Variants in MAMLD1 observed in about 807,000 individuals in gnomAD.
The protein encoded by MAMLD1 is mastermind-like domain-containing protein 1.
In MAMLD1, 14 loss-of-function variants were observed where a neutral mutation model predicts 45.0. That is an observed-to-expected ratio of 0.31 (90% confidence interval 0.21 to 0.49). The LOEUF (loss-of-function observed/expected upper bound fraction) is 0.49, where lower values mean the gene tolerates loss of function less well. Ranked by LOEUF, MAMLD1 falls within the 20% of genes least tolerant of loss-of-function variation. The pLI is 0.99. For synonymous variants in MAMLD1, 254 were observed against 247.8 expected, an observed-to-expected ratio of 1.02 and a Z score of -0.24; for missense variants, 543 against 603.6, an observed-to-expected ratio of 0.90 and a Z score of 1.05.
At chrX:150,410,254 T>G (rs2034092456) in intron 1 of MAMLD1, among the ~76,000 whole-genome samples, 2 of 112,245 alleles carry the variant, frequency 1.8e-5, no homozygotes, top group Admixed American at 1.9e-4. Context: ...CCCAGTAGAA[T>G]GTCTGGCACC....
chrX:150,380,417 A>T (rs1195403998), intron 1 of MAMLD1, among the ~76,000 whole-genome samples: 1 of 110,694 alleles, frequency 9.0e-6, no homozygotes, highest in Non-Finnish European at 1.9e-5. Flanking sequence ...TTTCTGTGTT[A>T]GGTATATTAG....
At chrX:150,487,540 G>C (rs1197554625) in intron 5 of MAMLD1, among the ~76,000 whole-genome samples, 2 of 112,161 alleles carry the variant, frequency 1.8e-5, no homozygotes, top group East Asian at 5.6e-4. Flanking sequence ...CATTTTGCAA[G>C]CATTCTCCCT....
At chrX:150,452,824 T>G (rs1350750887) in intron 2 of MAMLD1, among the ~76,000 whole-genome samples, 1 of 96,161 alleles carries the variant, frequency 1.0e-5, no homozygotes, top group Non-Finnish European at 2.0e-5. Flanking sequence ...CATTGTTCAA[T>G]TCCCACCTAT....
rs781889342 is a variant in MAMLD1 at position 150,401,332 on chromosome X, A to T, written c.-64+37802A>T. Among the ~76,000 whole-genome samples the T allele has an allele frequency of 4.9e-3, 497 of 102,336 alleles. 2 individuals carry two copies. Among genetic ancestry groups the T allele is most frequent in the African/African-American group, 0.017 (480 of 27,863 alleles). The allele number at this position is 102,336 out of a possible 115,157, so 88.9% of individuals were successfully genotyped here. On this transcript the variant is annotated intron_variant, in intron 1 of 7. Coordinates refer to ENST00000370401, the MANE Select transcript of MAMLD1 (RefSeq NM_005491.5). ...ACTCCCATTCACAATTGCTTCAAAG[A>T]GAATAAAATACCTAGGAATCCAACT... is the stretch of plus-strand genomic sequence containing the variant.
intron 5 of MAMLD1, among the ~76,000 whole-genome samples, chrX:150,478,490 C>A (rs2036649919): frequency 8.9e-6 from 1 of 112,337 alleles, no homozygotes; most frequent in South Asian, 3.7e-4. Context: ...TGCGGGAGAG[C>A]AATACTGCTG....
At chrX:150,410,726 A>G (rs896957024) in intron 1 of MAMLD1, among the ~76,000 whole-genome samples, 1 of 112,280 alleles carries the variant, frequency 8.9e-6, no homozygotes, top group Admixed American at 9.4e-5. Flanking sequence ...TCTTTTACAG[A>G]TGAGGAAATA....
At chrX:150,380,174 G>A (rs997946307) in intron 1 of MAMLD1, among the ~76,000 whole-genome samples, 4 of 111,794 alleles carry the variant, frequency 3.6e-5, no homozygotes, top group Middle Eastern at 8.4e-3. Flanking sequence ...TTTCCCCAAA[G>A]CCTCACCAAC....
At chrX:150,479,637 T>G (rs2148316606) in intron 5 of MAMLD1, among the ~76,000 whole-genome samples, 1 of 112,114 alleles carries the variant, frequency 8.9e-6, no homozygotes, top group Non-Finnish European at 1.9e-5. Context: ...TCATTGCGCT[T>G]TTCAAAGAAC....
chrX:150,403,970 AAG>A lies in MAMLD1; in HGVS notation c.-64+40442_-64+40443del, dbSNP rs1491010752. Among the ~76,000 whole-genome samples, 875 of 95,050 alleles carry A rather than the reference AAG, an allele frequency of 9.2e-3. 13 individuals are homozygous for A. Among genetic ancestry groups the A allele is most frequent in the African/African-American group, 0.033 (816 of 24,428 alleles). The allele number at this position is 95,050 out of a possible 115,157, so 82.5% of individuals were successfully genotyped here. The stretch of plus-strand genomic sequence containing the variant: ...AAAGAAAGAAAGAAAGAAAGAAAGA[AAG>A]AAAGAAAGAAAGAAAGAAAGAAAGA... On this transcript the variant is annotated intron_variant, in intron 1 of 7. Transcript: ENST00000370401.
At position 150,445,456 on chromosome X, in the gene MAMLD1, C is replaced by G; in HGVS notation, c.-61C>G. On this transcript the variant is annotated splice_region_variant and 5_prime_UTR_variant, in exon 2 of 8. Transcript: ENST00000370401. ...AGTGTACTTTTTGTCTCCCTAAGCC[C>G]TGTGTCTAGGTCGTTTGGGAAACGC... 1.2e-6 allele frequency: 1 copy of G among 855,257 alleles called. No homozygotes were observed. The highest frequency in any genetic ancestry group is 1.7e-6 in the Non-Finnish European group (1 of 572,033). 70.5% of individuals were successfully genotyped at this position (855,257 alleles called of 1,213,427 possible).
intron 1 of MAMLD1, among the ~76,000 whole-genome samples, chrX:150,398,332 GA>G (rs1569564620): frequency 1.7e-3 from 134 of 80,173 alleles, no homozygotes; most frequent in Non-Finnish European, 2.1e-3. Context: ...AGAAGAAGAA[GA>G]AGAAGAAGAG....
intron 3 of MAMLD1, among the ~76,000 whole-genome samples, chrX:150,465,590 G>A (rs782773551): frequency 3.7e-4 from 41 of 112,313 alleles, no homozygotes; most frequent in Non-Finnish European, 7.3e-4. Flanking sequence ...AAGATGCCAG[G>A]GCACTGTCAC....
At chrX:150,503,890 C>T (rs190955156) in intron 6 of MAMLD1, among the ~76,000 whole-genome samples, 88 of 112,214 alleles carry the variant, frequency 7.8e-4, no homozygotes, top group Middle Eastern at 9.1e-3. Context: ...AGACTGGGAA[C>T]CTGAGGGGGA....
intron 2 of MAMLD1, among the ~76,000 whole-genome samples, chrX:150,461,385 G>A (rs2036033494): frequency 8.9e-6 from 1 of 112,796 alleles, no homozygotes; most frequent in Non-Finnish European, 1.9e-5. Flanking sequence ...AGAGCATTTG[G>A]GGGTTACTGC....
chrX:150,498,962 G>T (rs1236266530), intron 5 of MAMLD1, among the ~76,000 whole-genome samples: 2 of 112,247 alleles, frequency 1.8e-5, no homozygotes, highest in African/African-American at 6.5e-5. Context: ...ACCTCTCTTT[G>T]ATATGGGGCA....
chrX:150,490,238 A>T (rs782257725), intron 5 of MAMLD1, among the ~76,000 whole-genome samples: 1 of 112,297 alleles, frequency 8.9e-6, no homozygotes, highest in African/African-American at 3.2e-5. Flanking sequence ...GTAGACAGCT[A>T]CAGGAACAGA....
In MAMLD1 at chrX:150,379,020, A is replaced by T. The variant is rs139574419; in HGVS notation, c.-64+15490A>T. Among the ~76,000 whole-genome samples the T allele has an allele frequency of 3.0e-4, 34 of 112,239 alleles. 1 individual carries two copies. The East Asian group carries it at 9.2e-3, about 30-fold the overall frequency. On this transcript the variant is annotated intron_variant, in intron 1 of 7. Coordinates refer to ENST00000370401, the MANE Select transcript of MAMLD1 (RefSeq NM_005491.5). ...GCATTTCTACAGATGTGGCATTGTT[A>T]CTAAACCCTCTCAGTCCACAAAGCT...
At chrX:150,406,266 A>G (rs2033994865) in intron 1 of MAMLD1, among the ~76,000 whole-genome samples, 2 of 110,246 alleles carry the variant, frequency 1.8e-5, no homozygotes, top group Non-Finnish European at 3.8e-5. Context: ...CAGAAAGGGT[A>G]AAAGCCTCAC....
rs2033131865 is a variant in MAMLD1 at position 150,390,531 on chromosome X, A to G, written c.-64+27001A>G. The stretch of plus-strand genomic sequence containing the variant: ...AATATGTATTAATTTATCATAGTTT[A>G]CAGTCTACATTTTATAAGTTCGAGT... On this transcript the variant is annotated intron_variant, in intron 1 of 7. Transcript: ENST00000370401. 2.7e-5 allele frequency among the ~76,000 whole-genome samples: 3 copies of G among 112,480 alleles called. No individual in the cohort carries two copies. In the South Asian group the frequency reaches 1.1e-3, roughly 41 times the overall value.
Sources: gnomAD v4.1 joint callset for allele counts (sites outside exome capture counted in the v4.1 genomes callset) on GRCh38, gnomAD v4.1.1 for gene constraint, MANE v1.5 for transcripts, NCBI Gene and HGNC (gene_info 2026-07-23, HGNC 2026-07-21) for gene names.